TRPM3: variants seen among roughly 807,000 people sequenced by gnomAD.
TRPM3 encodes the protein long transient receptor potential channel 3.
Under a neutral mutation model 181.2 loss-of-function variants are expected in TRPM3, and 77 were observed. The ratio of observed to expected loss-of-function variants is 0.42; its 90% CI spans 0.35 to 0.51. The LOEUF (loss-of-function observed/expected upper bound fraction) is 0.51, where lower values mean the gene tolerates loss of function less well. Ranked by LOEUF, TRPM3 falls within the 20% of genes least tolerant of loss-of-function variation. TRPM3 has a pLI of 0.01. For synonymous variants in TRPM3, 745 were observed against 796.4 expected, an observed-to-expected ratio of 0.94 and a Z score of 1.09; for missense variants, 1,759 against 2,196.7, an observed-to-expected ratio of 0.80 and a Z score of 3.98.
intron 1 of TRPM3, among the ~76,000 whole-genome samples, chr9:71,287,018 T>C (rs1240762570): frequency 8.0e-6 from 1 of 124,806 alleles, no homozygotes; most frequent in African/African-American, 3.1e-5. Context: ...ACATATAATA[T>C]AGTATATAAT....
intron 1 of TRPM3, among the ~76,000 whole-genome samples, chr9:71,087,774 G>C (rs754138967): frequency 2.0e-5 from 3 of 152,024 alleles, no homozygotes; most frequent in Admixed American, 1.3e-4. Context: ...ACTCTACTGG[G>C]TAGAAAGACT....
At chr9:71,099,653 C>T (rs1415466103) in intron 1 of TRPM3, among the ~76,000 whole-genome samples, 1 of 152,174 alleles carries the variant, frequency 6.6e-6, no homozygotes, top group East Asian at 1.9e-4. Context: ...TGCCAACCAT[C>T]CACATGCCAG....
chr9:70,969,440 T>A (rs1327184389), intron 1 of TRPM3, among the ~76,000 whole-genome samples: 7 of 151,960 alleles, frequency 4.6e-5, no homozygotes, highest in African/African-American at 1.7e-4. Flanking sequence ...AGACATTATG[T>A]AAAAACTAAG....
intron 7 of TRPM3, chr9:70,783,755 C>G (rs1237409680): frequency 1.3e-6 from 1 of 744,992 alleles, no homozygotes; most frequent in African/African-American, 1.9e-5. Context: ...CTGGTACAGA[C>G]TGGATGTGCT....
At chr9:70,693,638 T>G (rs541015877) in intron 8 of TRPM3, among the ~76,000 whole-genome samples, 1 of 152,138 alleles carries the variant, frequency 6.6e-6, no homozygotes, top group Non-Finnish European at 1.5e-5. Context: ...TATCATAAAG[T>G]GCTATAGACA....
chr9:70,570,220 A>G (rs1372937549), intron 22 of TRPM3, among the ~76,000 whole-genome samples: 1 of 86,292 alleles, frequency 1.2e-5, no homozygotes, highest in Admixed American at 1.5e-4. Flanking sequence ...AAAATCTATA[A>G]TTCAGATTTG....
At chr9:71,214,716 T>C (rs1433184692) in intron 1 of TRPM3, among the ~76,000 whole-genome samples, 1 of 152,194 alleles carries the variant, frequency 6.6e-6, no homozygotes, top group African/African-American at 2.4e-5. Context: ...TCCACTTTCA[T>C]GCACCCTGCA....
intron 9 of TRPM3, among the ~76,000 whole-genome samples, chr9:70,669,637 G>C (rs888367242): frequency 2.0e-5 from 3 of 152,154 alleles, no homozygotes; most frequent in Non-Finnish European, 4.4e-5. Context: ...TTGAGGGCAG[G>C]GGTCAAAATA....
chr9:71,413,700 G>T (rs1258388033), intron 1 of TRPM3, among the ~76,000 whole-genome samples: 3 of 152,012 alleles, frequency 2.0e-5, no homozygotes, highest in Non-Finnish European at 4.4e-5. Context: ...GCTTGTGGAA[G>T]TAGTTCCCCT....
chr9:70,662,056 A>G (rs1216026537), intron 9 of TRPM3, among the ~76,000 whole-genome samples: 1 of 152,208 alleles, frequency 6.6e-6, no homozygotes, highest in East Asian at 1.9e-4. Flanking sequence ...ACCGCGGGGT[A>G]CTGGTATAAA....
rs147417686 is a variant in TRPM3 at position 71,143,410 on chromosome 9, G to T, written c.184-278899C>A. ...CGTGTCCATGTGTTTTCATCATTTA[G>T]CTCCCACTTACAAGTGGGAATATGT... On this transcript the variant is annotated intron_variant, in intron 1 of 24. Coordinates refer to the TRPM3 transcript ENST00000357533. 2.6e-5 allele frequency among the ~76,000 whole-genome samples: 4 copies of T among 152,170 alleles called. No homozygotes were observed. The East Asian group carries it at 7.7e-4, about 29-fold the overall frequency.
chr9:71,217,788 A>C lies in TRPM3; in HGVS notation c.183+228865T>G, dbSNP rs560356445. On this transcript the variant is annotated intron_variant, in intron 1 of 24. Transcript: ENST00000357533. ...ACCTGGTATCTTGGGCATGAAGCTT[A>C]AACAACAGTGTATCCTGCCCACAGC... 3.3e-5 allele frequency among the ~76,000 whole-genome samples: 5 copies of C among 152,252 alleles called. No individual in the cohort carries two copies. In the South Asian group the frequency reaches 1.0e-3, roughly 32 times the overall value.
intron 1 of TRPM3, among the ~76,000 whole-genome samples, chr9:70,868,564 C>G (rs931017566): frequency 6.6e-6 from 1 of 152,002 alleles, no homozygotes; most frequent in African/African-American, 2.4e-5. Context: ...CACCAGCTAT[C>G]GAATCAAGTT....
chr9:71,275,908 C>A (rs926987273), intron 1 of TRPM3, among the ~76,000 whole-genome samples: 1 of 150,186 alleles, frequency 6.7e-6, no homozygotes, highest in Non-Finnish European at 1.5e-5. Flanking sequence ...GTGGCGTGAT[C>A]TTGGCTCACT....
intron 1 of TRPM3, among the ~76,000 whole-genome samples, chr9:71,129,999 A>G (rs571534393): frequency 1.3e-4 from 20 of 152,338 alleles, no homozygotes; most frequent in African/African-American, 4.6e-4. Context: ...ATTAAATGGA[A>G]AAAGGGATGT....
chr9:70,540,678 T>C (rs1452005451), intron 25 of TRPM3, among the ~76,000 whole-genome samples: 1 of 152,236 alleles, frequency 6.6e-6, no homozygotes, highest in African/African-American at 2.4e-5. Context: ...ACAGACAGCC[T>C]GGACAACATA....
chr9:70,767,305 C>T (rs2079333832), intron 7 of TRPM3, among the ~76,000 whole-genome samples: 1 of 152,156 alleles, frequency 6.6e-6, no homozygotes, highest in African/African-American at 2.4e-5. Context: ...GCAAACACTC[C>T]ATGCAGACAT....
At chr9:70,579,007 C>T (rs566143289) in intron 22 of TRPM3, among the ~76,000 whole-genome samples, 17 of 152,210 alleles carry the variant, frequency 1.1e-4, no homozygotes, top group African/African-American at 3.9e-4. Flanking sequence ...GTGCAACTGC[C>T]CCTGGTTGAG....
At position 71,416,010 on chromosome 9, in the gene TRPM3, A is replaced by T. The variant is rs1385995307; in HGVS notation, c.183+30643T>A. Among the ~76,000 whole-genome samples the T allele has an allele frequency of 3.5e-5, 5 of 142,596 alleles. 1 individual carries two copies. Among genetic ancestry groups the T allele is most frequent in the South Asian group, 2.2e-4 (1 of 4,524 alleles). 93.5% of individuals were successfully genotyped at this position (142,596 alleles called of 152,430 possible). The stretch of plus-strand genomic sequence containing the variant: ...AAAGTAATCTTGTTATAATATTCCA[A>T]TTTTTTTTTTTTTTTTACTTTCCAT... On this transcript the variant is annotated intron_variant, in intron 1 of 24. Coordinates refer to the TRPM3 transcript ENST00000357533.
Sources: gnomAD v4.1 joint callset for allele counts (sites outside exome capture counted in the v4.1 genomes callset) on GRCh38, gnomAD v4.1.1 for gene constraint, MANE v1.5 for transcripts, NCBI Gene and HGNC (gene_info 2026-07-23, HGNC 2026-07-21) for gene names.